Variants in NRG3 observed in about 807,000 individuals in gnomAD.
NRG3 encodes the protein neuregulin 3, also known as pro-neuregulin-3, membrane-bound isoform.
In NRG3, 31 loss-of-function variants were observed where a neutral mutation model predicts 66.9. The ratio of observed to expected loss-of-function variants is 0.46; its 90% confidence interval spans 0.35 to 0.63. The LOEUF is 0.63. Ranked by LOEUF, NRG3 falls within the 20% of genes least tolerant of loss-of-function variation. NRG3 has a pLI of 0.00. For missense variants in NRG3, 910 were observed against 878.9 expected, an observed-to-expected ratio of 1.04 and a Z score of -0.45; for synonymous variants, 393 against 359.4, an observed-to-expected ratio of 1.09 and a Z score of -1.06.
intron 2 of NRG3, among the ~76,000 whole-genome samples, chr10:82,474,667 A>G (rs924799644): frequency 6.6e-6 from 1 of 152,156 alleles, no homozygotes; most frequent in Non-Finnish European, 1.5e-5. Flanking sequence ...GGAGTCCAAG[A>G]AAGAGAAGCA....
At chr10:82,255,067 A>G (rs1265110488) in intron 1 of NRG3, among the ~76,000 whole-genome samples, 5 of 152,206 alleles carry the variant, frequency 3.3e-5, no homozygotes, top group African/African-American at 4.8e-5. Context: ...ATCAAGGTCA[A>G]TACTCACAAT....
chr10:82,356,552 G>A (rs1275609987), intron 1 of NRG3, among the ~76,000 whole-genome samples: 3 of 152,162 alleles, frequency 2.0e-5, no homozygotes, highest in Non-Finnish European at 4.4e-5. Context: ...TTTCTGTAGA[G>A]AATCTCCTGC....
chr10:82,963,273 G>T (rs1283128061), intron 6 of NRG3, among the ~76,000 whole-genome samples: 6 of 152,288 alleles, frequency 3.9e-5, no homozygotes, highest in African/African-American at 1.4e-4. Context: ...CAGTTTTGAG[G>T]ACTGCAACCT....
At chr10:82,102,133 C>CATATATATATATATATAT (rs369498870) in intron 1 of NRG3, among the ~76,000 whole-genome samples, 1 of 26,296 alleles carries the variant, frequency 3.8e-5, no homozygotes, top group African/African-American at 1.6e-4. Flanking sequence ...TATGTGTATT[C>CATATATATATATATATAT]ATATATATAT....
intron 1 of NRG3, among the ~76,000 whole-genome samples, chr10:82,231,729 G>A (rs1259746347): frequency 6.6e-6 from 1 of 152,092 alleles, no homozygotes; most frequent in African/African-American, 2.4e-5. Flanking sequence ...AATTCAGTGT[G>A]TGAAAACTGT....
At chr10:82,288,297 T>C (rs2079535697) in intron 1 of NRG3, among the ~76,000 whole-genome samples, 1 of 152,234 alleles carries the variant, frequency 6.6e-6, no homozygotes, top group Admixed American at 6.5e-5. Context: ...TGAGTGGCTA[T>C]TATAATTCTT....
At chr10:82,425,003 T>C (rs79342874) in intron 2 of NRG3, among the ~76,000 whole-genome samples, 5 of 152,116 alleles carry the variant, frequency 3.3e-5, no homozygotes, top group African/African-American at 1.2e-4. Flanking sequence ...TATATGTATA[T>C]TGAAATACAA....
At chr10:81,981,324 A>G (rs2060324555) in intron 1 of NRG3, among the ~76,000 whole-genome samples, 1 of 152,214 alleles carries the variant, frequency 6.6e-6, no homozygotes, top group Non-Finnish European at 1.5e-5. Context: ...TCATTCCAAA[A>G]GGAATAAATA....
intron 1 of NRG3, among the ~76,000 whole-genome samples, chr10:82,237,268 C>G (rs1381382824): frequency 6.6e-6 from 1 of 152,106 alleles, no homozygotes; most frequent in Non-Finnish European, 1.5e-5. Flanking sequence ...CATTTTATGC[C>G]TCCTCCTTGT....
At chr10:82,225,906 G>A (rs2076142593) in intron 1 of NRG3, among the ~76,000 whole-genome samples, 1 of 152,070 alleles carries the variant, frequency 6.6e-6, no homozygotes, top group East Asian at 1.9e-4. Context: ...GCATATTTCT[G>A]TCATAATGTC....
At chr10:82,743,700 G>A (rs915271346) in intron 3 of NRG3, among the ~76,000 whole-genome samples, 1 of 151,976 alleles carries the variant, frequency 6.6e-6, no homozygotes, top group Non-Finnish European at 1.5e-5. Context: ...TTTGCCATAT[G>A]TGTCACAGTG....
chr10:82,436,094 T>A (rs1050806208), intron 2 of NRG3, among the ~76,000 whole-genome samples: 2 of 152,188 alleles, frequency 1.3e-5, no homozygotes, highest in African/African-American at 4.8e-5. Flanking sequence ...AATATCCTTG[T>A]TAATTTTCTG....
intron 1 of NRG3, among the ~76,000 whole-genome samples, chr10:82,142,506 T>G (rs1436452159): frequency 6.6e-6 from 1 of 152,144 alleles, no homozygotes; most frequent in Non-Finnish European, 1.5e-5. Context: ...TGCTGTTTCC[T>G]TTTCACTTAT....
At chr10:82,010,012 A>G (rs2061515858) in intron 1 of NRG3, among the ~76,000 whole-genome samples, 2 of 152,210 alleles carry the variant, frequency 1.3e-5, no homozygotes, top group African/African-American at 4.8e-5. Flanking sequence ...AAGTGGAGAT[A>G]ACAAGGGCTC....
At chr10:81,986,872 A>G (rs772916526) in intron 1 of NRG3, among the ~76,000 whole-genome samples, 3 of 152,016 alleles carry the variant, frequency 2.0e-5, no homozygotes, top group Non-Finnish European at 2.9e-5. Flanking sequence ...TGTAGAGACA[A>G]GTACTCATTA....
intron 1 of NRG3, among the ~76,000 whole-genome samples, chr10:82,072,294 G>A (rs1057378935): frequency 7.2e-5 from 11 of 152,304 alleles, no homozygotes; most frequent in East Asian, 1.9e-4. Context: ...TTAAGTCACC[G>A]GAAGAAGCGT....
At chr10:82,618,646 T>C (rs1405942157) in intron 2 of NRG3, among the ~76,000 whole-genome samples, 2 of 152,014 alleles carry the variant, frequency 1.3e-5, no homozygotes, top group African/African-American at 2.4e-5. Context: ...GAATCCACAA[T>C]AGAAGAAAAA....
intron 1 of NRG3, among the ~76,000 whole-genome samples, chr10:82,114,643 A>G (rs1382182594): frequency 6.6e-6 from 1 of 152,170 alleles, no homozygotes; most frequent in Non-Finnish European, 1.5e-5. Flanking sequence ...AAATTGGGTA[A>G]TTCATCTTTA....
intron 2 of NRG3, among the ~76,000 whole-genome samples, chr10:82,729,871 A>T (rs1226908260): frequency 6.6e-6 from 1 of 152,068 alleles, no homozygotes; most frequent in Non-Finnish European, 1.5e-5. Context: ...TTGTTATTAT[A>T]TTTTTTAACT....
Sources: gnomAD v4.1 joint callset for allele counts (sites outside exome capture counted in the v4.1 genomes callset) on GRCh38, gnomAD v4.1.1 for gene constraint, MANE v1.5 for transcripts, NCBI Gene and HGNC (gene_info 2026-07-23, HGNC 2026-07-21) for gene names.